Variants in RPTOR observed in about 807,000 individuals in gnomAD.
The protein encoded by RPTOR is regulatory-associated protein of mTOR.
RPTOR carries 21 observed loss-of-function variants against 169.9 expected under a neutral mutation model. The ratio of observed to expected loss-of-function variants is 0.12; its 90% CI spans 0.09 to 0.18. RPTOR has a LOEUF of 0.18. Ranked by LOEUF, RPTOR falls within the 10% of genes least tolerant of loss-of-function variation. RPTOR has a pLI of 1.00. For missense variants in RPTOR, 1,133 were observed against 1,855.9 expected (o/e 0.61, Z 7.16); for synonymous variants, 732 against 753.2 (o/e 0.97, Z 0.46).
chr17:80,768,513 C>T (rs938258789), intron 6 of RPTOR, among the ~76,000 whole-genome samples: 1 of 152,172 alleles, frequency 6.6e-6, no homozygotes, highest in Non-Finnish European at 1.5e-5. Flanking sequence ...ATGTAATCCT[C>T]GGAAATCAGC....
At chr17:80,810,970 C>G (rs554968064) in intron 7 of RPTOR, among the ~76,000 whole-genome samples, 22 of 152,106 alleles carry the variant, frequency 1.4e-4, no homozygotes, top group African/African-American at 5.1e-4. Context: ...GCTCTGGGAG[C>G]TGTTTGAAAG....
chr17:80,963,365 G>A (rs34781048), intron 33 of RPTOR, among the ~76,000 whole-genome samples: 35,052 of 124,452 alleles, frequency 0.28, 5,767 homozygotes, highest in East Asian at 0.49. Flanking sequence ...AGAGTCGCTC[G>A]GGGTGTCCAT....
chr17:80,903,498 G>A (rs539721588), intron 20 of RPTOR, among the ~76,000 whole-genome samples: 59 of 152,350 alleles, frequency 3.9e-4, no homozygotes, highest in African/African-American at 1.4e-3. Flanking sequence ...CTGCACTGCG[G>A]CATCATTGGT....
chr17:80,551,784 G>A (rs560869780), intron 1 of RPTOR, among the ~76,000 whole-genome samples: 1 of 152,220 alleles, frequency 6.6e-6, no homozygotes, highest in African/African-American at 2.4e-5. Context: ...GGACGGTCAG[G>A]TCTTTCCCTT....
chr17:80,891,297 G>A (rs1320909315), intron 17 of RPTOR, among the ~76,000 whole-genome samples: 2 of 152,274 alleles, frequency 1.3e-5, no homozygotes, highest in Non-Finnish European at 2.9e-5. Flanking sequence ...CGGCCCTGGG[G>A]CGCTCAGATT....
At chr17:80,653,864 G>A (rs1467624553) in intron 3 of RPTOR, among the ~76,000 whole-genome samples, 3 of 152,300 alleles carry the variant, frequency 2.0e-5, no homozygotes, top group South Asian at 4.1e-4. Flanking sequence ...AGTGGTCCCT[G>A]GTCCTAAACC....
At chr17:80,772,120 A>G (rs142996400) in intron 6 of RPTOR, among the ~76,000 whole-genome samples, 113 of 152,324 alleles carry the variant, frequency 7.4e-4, no homozygotes, top group African/African-American at 2.5e-3. Flanking sequence ...ATTTCTGCAC[A>G]TAGAGGTGAG....
At chr17:80,657,377 G>C (rs1433395001) in intron 3 of RPTOR, among the ~76,000 whole-genome samples, 1 of 152,168 alleles carries the variant, frequency 6.6e-6, no homozygotes, top group Non-Finnish European at 1.5e-5. Context: ...AGATTTTTAG[G>C]ATCTTATAAC....
intron 13 of RPTOR, among the ~76,000 whole-genome samples, chr17:80,863,745 C>G (rs542741240): frequency 2.0e-5 from 3 of 152,074 alleles, no homozygotes; most frequent in Non-Finnish European, 1.5e-5. Context: ...GGTGAAACCT[C>G]GACTCCACAT....
intron 9 of RPTOR, among the ~76,000 whole-genome samples, chr17:80,830,913 T>G (rs2067496770): frequency 6.6e-6 from 1 of 151,812 alleles, no homozygotes; most frequent in South Asian, 2.1e-4. Flanking sequence ...CAGCTAATTG[T>G]TTTGTATTTT....
Position 80,743,810 on chromosome 17 carries a change from TACTAGCAGAGCCCTGGC to T in RPTOR, c.655-10199_655-10183del, listed in dbSNP as rs1567887386. ...CCCTGGCTACTAGCACAGCCCTGGC[TACTAGCAGAGCCCTGGC>T]TACTAGCACAGCCCTGGTTACTAGC... On this transcript the variant is annotated intron_variant, in intron 5 of 33. Coordinates refer to ENST00000306801, the MANE Select transcript of RPTOR (RefSeq NM_020761.3). Among the ~76,000 whole-genome samples the T allele has an allele frequency of 8.4e-4, 111 of 131,718 alleles. 1 individual carries two copies. The highest frequency in any genetic ancestry group is 2.7e-3 in the African/African-American group (93 of 34,820). 86.4% of individuals were successfully genotyped at this position (131,718 alleles called of 152,430 possible).
intron 3 of RPTOR, among the ~76,000 whole-genome samples, chr17:80,654,313 C>T (rs532045370): frequency 3.3e-5 from 5 of 152,310 alleles, no homozygotes; most frequent in African/African-American, 9.6e-5. Context: ...AGGCAGAAAT[C>T]GGGAAAGACC....
chr17:80,784,022 G>A (rs2066966829), intron 6 of RPTOR, among the ~76,000 whole-genome samples: 1 of 152,150 alleles, frequency 6.6e-6, no homozygotes. Flanking sequence ...TGTCACCCAG[G>A]CTAGAGTGCA....
At chr17:80,857,162 C>T (rs550949068) in intron 12 of RPTOR, among the ~76,000 whole-genome samples, 3 of 152,366 alleles carry the variant, frequency 2.0e-5, no homozygotes, top group Admixed American at 6.5e-5. Flanking sequence ...CAGTGCCCTC[C>T]ACGCCCTCCC....
At chr17:80,734,328 C>T (rs1433290668) in intron 5 of RPTOR, among the ~76,000 whole-genome samples, 3 of 152,210 alleles carry the variant, frequency 2.0e-5, no homozygotes, top group African/African-American at 4.8e-5. Flanking sequence ...TGCTCCCCGG[C>T]GTCAGCTGGC....
chr17:80,786,772 A>ATAT (rs2066996697), intron 6 of RPTOR, among the ~76,000 whole-genome samples: 1 of 152,234 alleles, frequency 6.6e-6, no homozygotes, highest in Non-Finnish European at 1.5e-5. Context: ...TTCACCATGT[A>ATAT]TATGGAACCA....
intron 1 of RPTOR, among the ~76,000 whole-genome samples, chr17:80,569,132 C>T (rs1312972276): frequency 6.6e-6 from 1 of 152,158 alleles, no homozygotes; most frequent in African/African-American, 2.4e-5. Flanking sequence ...ATTTCCTCGT[C>T]ACTCTCATTT....
intron 7 of RPTOR, among the ~76,000 whole-genome samples, chr17:80,801,398 C>T (rs2067155861): frequency 6.6e-6 from 1 of 152,166 alleles, no homozygotes. Flanking sequence ...TTAGGACAAG[C>T]TGGGACAGGG....
chr17:80,602,770 C>T, intron 1 of RPTOR: 1 of 724,572 alleles, frequency 1.4e-6, no homozygotes, highest in Non-Finnish European at 2.5e-6. Context: ...TCCTTCATGT[C>T]AAATTTCCGA....
Sources: allele counts gnomAD v4.1 joint callset (sites outside exome capture counted in the v4.1 genomes callset), GRCh38; gene constraint gnomAD v4.1.1; transcripts MANE v1.5; gene names NCBI Gene and HGNC (gene_info 2026-07-23, HGNC 2026-07-21).